Variants in GLRB observed in about 807,000 individuals in gnomAD.
GLRB encodes glycine receptor subunit beta.
GLRB carries 33 observed loss-of-function variants against 54.2 expected under a neutral mutation model. The ratio of observed to expected loss-of-function variants is 0.61; its 90% confidence interval spans 0.46 to 0.81. The LOEUF (loss-of-function observed/expected upper bound fraction) is 0.81, where lower values mean the gene tolerates loss of function less well. GLRB is among the 40% of genes least tolerant of loss of function. The pLI is 0.00. For synonymous variants in GLRB, 209 were observed against 208.2 expected (o/e 1.00, Z -0.03); for missense variants, 572 against 584.6 (o/e 0.98, Z 0.22).
chr4:157,136,594 T>C lies in GLRB; in HGVS notation c.423T>C (p.Pro141=), dbSNP rs145564477. 102 of 1,612,506 alleles carry C rather than the reference T, an allele frequency of 6.3e-5. No individual in the cohort carries two copies. The highest frequency in any genetic ancestry group is 8.1e-5 in the Non-Finnish European group (95 of 1,178,576). Residue 141 remains proline, a synonymous_variant, in exon 5 of 10, where the codon CCT becomes CCC. Coordinates refer to ENST00000264428, the MANE Select transcript of GLRB (RefSeq NM_000824.5). ...CAATGTACAAGTGTTTATGGAAACC[T>C]GATTTATTTTTTGCAAATGAAAAAA... The part of the protein sequence containing the change: ...DPTMYKCLWK[P]DLFFANEKSA...
intron 2 of GLRB, among the ~76,000 whole-genome samples, chr4:157,106,031 C>A (rs995480421): frequency 1.3e-5 from 2 of 152,012 alleles, no homozygotes; most frequent in African/African-American, 4.8e-5. Context: ...AGCATCCTTT[C>A]ATTTTAAGTT....
At chr4:157,109,454 T>A (rs1466858378) in intron 2 of GLRB, among the ~76,000 whole-genome samples, 1 of 151,938 alleles carries the variant, frequency 6.6e-6, no homozygotes, top group Non-Finnish European at 1.5e-5. Flanking sequence ...CCTAAGTGTG[T>A]TTTTTACACT....
At chr4:157,108,311 A>AGCC (rs1735297023) in intron 2 of GLRB, among the ~76,000 whole-genome samples, 1 of 152,144 alleles carries the variant, frequency 6.6e-6, no homozygotes, top group South Asian at 2.1e-4. Flanking sequence ...CCCCTGATGG[A>AGCC]TCTGGGCCAA....
chr4:157,154,601 A>G (rs773171265), intron 9 of GLRB, among the ~76,000 whole-genome samples: 1 of 149,804 alleles, frequency 6.7e-6, no homozygotes, highest in Non-Finnish European at 1.5e-5. Context: ...CTAATTTTGT[A>G]TTTTCAGTAG....
intron 9 of GLRB, among the ~76,000 whole-genome samples, chr4:157,154,226 A>G (rs1737135549): frequency 6.6e-6 from 1 of 152,110 alleles, no homozygotes; most frequent in African/African-American, 2.4e-5. Context: ...CTATATCATT[A>G]TATTTGAAGT....
rs1158003344 is a variant in GLRB at position 157,143,628 on chromosome 4, A to G, written c.752-179A>G. On this transcript the variant is annotated intron_variant, in intron 7 of 9. Coordinates refer to ENST00000264428, the MANE Select transcript of GLRB (RefSeq NM_000824.5). Reference sequence around the variant, plus strand: ...AAAGGTCAGCTGAAACTGGTTCCATAATGTCACCCTTTTAGATCACATAAA... The same window carrying G: ...AAAGGTCAGCTGAAACTGGTTCCATGATGTCACCCTTTTAGATCACATAAA... Among the ~76,000 whole-genome samples the G allele has an allele frequency of 2.6e-5, 4 of 152,202 alleles. No individual in the cohort carries two copies. In the East Asian group the frequency reaches 5.8e-4, roughly 22 times the overall value.
At chr4:157,142,719 C>T (rs942691204) in intron 7 of GLRB, among the ~76,000 whole-genome samples, 4 of 151,926 alleles carry the variant, frequency 2.6e-5, no homozygotes, top group Non-Finnish European at 5.9e-5. Flanking sequence ...ATAATTGTTT[C>T]ATTTATTTAT....
intron 2 of GLRB, among the ~76,000 whole-genome samples, chr4:157,096,449 T>C (rs537179463): frequency 7.9e-5 from 12 of 152,324 alleles, no homozygotes; most frequent in Admixed American, 2.6e-4. Flanking sequence ...AACATAGAAT[T>C]TCTTTATAAT....
chr4:157,159,699 G>A lies in GLRB; in HGVS notation c.1197+6689G>A, dbSNP rs76960247. 1.6e-3 allele frequency among the ~76,000 whole-genome samples: 238 copies of A among 152,242 alleles called. 1 individual carries two copies. Among genetic ancestry groups the A allele is most frequent in the African/African-American group, 5.5e-3 (227 of 41,546 alleles). The stretch of plus-strand genomic sequence containing the variant: ...GGATGAGGCCAATGTGATCATGGTG[G>A]ATAACCTTTTTGATGTGCTGCTGGA... On this transcript the variant is annotated intron_variant, in intron 9 of 9. Coordinates refer to ENST00000264428, the MANE Select transcript of GLRB (RefSeq NM_000824.5).
chr4:157,154,574 C>T (rs1737154820), intron 9 of GLRB, among the ~76,000 whole-genome samples: 1 of 151,666 alleles, frequency 6.6e-6, no homozygotes, highest in Non-Finnish European at 1.5e-5. Flanking sequence ...ATTACAGGCA[C>T]CTGCCACCAT....
chr4:157,101,932 ATT>A (rs1433006592), intron 2 of GLRB, among the ~76,000 whole-genome samples: 1 of 151,976 alleles, frequency 6.6e-6, no homozygotes, highest in Non-Finnish European at 1.5e-5. Context: ...TCCTGGTACT[ATT>A]CACTTTTTAT....
intron 8 of GLRB, among the ~76,000 whole-genome samples, chr4:157,146,832 C>T (rs954626801): frequency 4.7e-5 from 7 of 148,580 alleles, no homozygotes; most frequent in Non-Finnish European, 7.4e-5. Flanking sequence ...CACCTCCCCC[C>T]GCAAAAAAAA....
In GLRB at chr4:157,138,902, AG is replaced by A. The variant is rs1736509644; in HGVS notation, c.706del (p.Glu236LysfsTer27). 6.8e-7 allele frequency: 1 copy of A among 1,479,962 alleles called. No individual in the cohort carries two copies. Among genetic ancestry groups the A allele is most frequent in the African/African-American group, 1.4e-5 (1 of 72,178 alleles). 91.7% of individuals were successfully genotyped at this position (1,479,962 alleles called of 1,614,324 possible). A position where few individuals can be genotyped will look rare whatever the true frequency, so the allele number is the denominator to read the frequency against. On this transcript the variant is annotated frameshift_variant, in exon 7 of 10. Coordinates refer to ENST00000264428, the MANE Select transcript of GLRB (RefSeq NM_000824.5). LOFTEE classifies it high-confidence loss of function. ...GCCTTGCCTCAATTTGATATCAAAA[AG>A]GAAGATATTGAATATGGTAACTGTA... ...KIALPQFDIK[K>X]EDIEYGNCTK...
chr4:157,084,582 T>C, intron 2 of GLRB: 1 of 456,124 alleles, frequency 2.2e-6, no homozygotes, highest in South Asian at 1.5e-5. Context: ...GTGATTTCTT[T>C]GTTAGTTTTT....
At chr4:157,098,220 G>A (rs917778807) in intron 2 of GLRB, among the ~76,000 whole-genome samples, 1 of 152,094 alleles carries the variant, frequency 6.6e-6, no homozygotes, top group Non-Finnish European at 1.5e-5. Context: ...TTTCATCCAT[G>A]CTTGTTGGTA....
At chr4:157,151,285 G>C (rs1156941598) in intron 8 of GLRB, among the ~76,000 whole-genome samples, 2 of 152,072 alleles carry the variant, frequency 1.3e-5, no homozygotes, top group Non-Finnish European at 2.9e-5. Context: ...AACTTAGAAT[G>C]ACAGTTTGCC....
chr4:157,115,615 T>C (rs1036578920), intron 2 of GLRB, among the ~76,000 whole-genome samples: 19 of 151,790 alleles, frequency 1.3e-4, no homozygotes, highest in African/African-American at 4.6e-4. Flanking sequence ...TCTGTTTCCA[T>C]GAAGAATTTC....
intron 4 of GLRB, 88 bp from the exon 5 acceptor site, chr4:157,136,381 C>A: frequency 1.3e-6 from 1 of 761,212 alleles, no homozygotes; most frequent in South Asian, 1.5e-5. Context: ...TGCCACTAAT[C>A]ATTGTAACCC....
At chr4:157,134,824 G>A (rs556176034) in intron 4 of GLRB, among the ~76,000 whole-genome samples, 62 of 152,116 alleles carry the variant, frequency 4.1e-4, no homozygotes, top group Non-Finnish European at 7.5e-4. Flanking sequence ...ACATACAATG[G>A]TAATTGCACC....
Sources: allele counts gnomAD v4.1 joint callset (sites outside exome capture counted in the v4.1 genomes callset), GRCh38; gene constraint gnomAD v4.1.1; transcripts MANE v1.5; gene names NCBI Gene and HGNC (gene_info 2026-07-23, HGNC 2026-07-21).